Variants in ALK observed in about 807,000 individuals in gnomAD.
ALK encodes the protein ALK receptor tyrosine kinase.
In ALK, 74 loss-of-function variants were observed where a neutral mutation model predicts 163.1. That is an observed-to-expected ratio of 0.45 (90% CI 0.38 to 0.55). The LOEUF is 0.55. Ranked by LOEUF, ALK falls within the 20% of genes least tolerant of loss-of-function variation. The probability of loss-of-function intolerance (pLI) is 0.00; values close to 1 mark genes in which losing one functional copy is unlikely to be tolerated. For missense variants in ALK, 2,063 were observed against 2,105.3 expected (o/e 0.98, Z 0.39); for synonymous variants, 960 against 843.2 (o/e 1.14, Z -2.40).
chr2:29,539,136 TG>T (rs1673343328), intron 3 of ALK, among the ~76,000 whole-genome samples: 1 of 152,208 alleles, frequency 6.6e-6, no homozygotes, highest in Non-Finnish European at 1.5e-5. Context: ...GTTTATAGGT[TG>T]ATGCTAAGTG....
intron 1 of ALK, among the ~76,000 whole-genome samples, chr2:29,908,512 T>C (rs1318064410): frequency 6.6e-6 from 1 of 152,238 alleles, no homozygotes; most frequent in Non-Finnish European, 1.5e-5. Flanking sequence ...GGAAGTGTTT[T>C]TATTTTTTAC....
intron 1 of ALK, among the ~76,000 whole-genome samples, chr2:29,729,548 C>T (rs1679676211): frequency 6.6e-6 from 1 of 152,148 alleles, no homozygotes; most frequent in Non-Finnish European, 1.5e-5. Flanking sequence ...ATGAAAGTCA[C>T]GCTGCCACCA....
intron 1 of ALK, among the ~76,000 whole-genome samples, chr2:29,904,355 A>T (rs1667484990): frequency 6.6e-6 from 1 of 152,212 alleles, no homozygotes; most frequent in African/African-American, 2.4e-5. Context: ...CAGCTGCTCC[A>T]GTGCTCAATA....
intron 3 of ALK, among the ~76,000 whole-genome samples, chr2:29,537,561 T>A (rs6547940): frequency 2.0e-5 from 3 of 152,282 alleles, no homozygotes; most frequent in African/African-American, 7.2e-5. Context: ...GGCAGAGCCC[T>A]GGCAAAGAAA....
intron 8 of ALK, among the ~76,000 whole-genome samples, chr2:29,304,493 T>TAAAAAAAAA (rs70958256): frequency 8.0e-6 from 1 of 125,436 alleles, no homozygotes; most frequent in Non-Finnish European, 1.6e-5. Flanking sequence ...AGACTGTGTC[T>TAAAAAAAAA]AAAAAAAAAA....
chr2:29,794,613 T>C (rs1664261805), intron 1 of ALK, among the ~76,000 whole-genome samples: 1 of 152,014 alleles, frequency 6.6e-6, no homozygotes, highest in Admixed American at 6.6e-5. Flanking sequence ...GACTGTAGGG[T>C]TATTAACTGG....
intron 1 of ALK, among the ~76,000 whole-genome samples, chr2:29,853,169 A>G (rs1004829756): frequency 4.0e-5 from 6 of 151,568 alleles, no homozygotes; most frequent in Admixed American, 6.6e-5. Flanking sequence ...TTTAGGCTTT[A>G]AACATCATCA....
intron 4 of ALK, among the ~76,000 whole-genome samples, chr2:29,520,715 T>G (rs4468777): frequency 0.56 from 84,537 of 151,886 alleles, 24,220 homozygotes; most frequent in African/African-American, 0.62. Flanking sequence ...TTGCTTCACT[T>G]GGGGGCAACT....
Position 29,528,459 on chromosome 2 carries a change from C to T in ALK, c.1154+3456G>A, listed in dbSNP as rs548223767. Among the ~76,000 whole-genome samples, 13 of 152,286 alleles carry T rather than the reference C, an allele frequency of 8.5e-5. No homozygotes were observed. The South Asian group carries it at 1.7e-3, about 19-fold the overall frequency. ...CTGCTTCTGCTGGATCTGCCACTAG[C>T]GATCTTAGCTCAGCCTCTTAATAAT... On this transcript the variant is annotated intron_variant, in intron 4 of 28. Coordinates refer to ENST00000389048, the MANE Select transcript of ALK (RefSeq NM_004304.5).
chr2:29,859,866 T>C (rs1382480509), intron 1 of ALK, among the ~76,000 whole-genome samples: 1 of 152,202 alleles, frequency 6.6e-6, no homozygotes, highest in South Asian at 2.1e-4. Context: ...AAATTTGACA[T>C]ATTGATTGAC....
Position 29,383,868 on chromosome 2 carries a change from A to G in ALK, c.1155-9T>C, listed in dbSNP as rs1668967647. 6.2e-7 allele frequency: 1 copy of G among 1,613,764 alleles called. No individual in the cohort carries two copies. Among genetic ancestry groups the G allele is most frequent in the South Asian group, 1.1e-5 (1 of 91,076 alleles). ...CCTGGAGCACTGTCCAACTGGTTGC[A>G]TTGGAAAACAGAGGAGAAAAGCATA... On this transcript the variant is annotated splice_polypyrimidine_tract_variant and intron_variant, in intron 4 of 28. Transcript: ENST00000389048.
chr2:29,916,177 T>C lies in ALK; in HGVS notation c.667+3816A>G, dbSNP rs145573457. Among the ~76,000 whole-genome samples, 69 of 152,312 alleles carry C rather than the reference T, an allele frequency of 4.5e-4. 1 individual carries two copies. The highest frequency in any genetic ancestry group is 1.4e-3 in the African/African-American group (58 of 41,578). ...ACATCTCACCTGACTCCCCACTCCA[T>C]TGGAATTCCATTCCATAGTCAGAGG... On this transcript the variant is annotated intron_variant, in intron 1 of 28. Coordinates refer to ENST00000389048, the MANE Select transcript of ALK (RefSeq NM_004304.5).
chr2:29,317,519 G>C lies in ALK; in HGVS notation c.1647+785C>G, dbSNP rs375811233. 1.3e-5 allele frequency among the ~76,000 whole-genome samples: 2 copies of C among 152,200 alleles called. 1 individual carries two copies. The highest frequency in any genetic ancestry group is 3.9e-4 in the East Asian group (2 of 5,192). ...CACCCTGTGGGCTAAATACTGCAGT[G>C]CTTACTTTGTGCCCAATGCTCTTCC... is the stretch of plus-strand genomic sequence containing the variant. On this transcript the variant is annotated intron_variant, in intron 8 of 28. Transcript: ENST00000389048.
chr2:29,333,716 G>C (rs893588020), intron 5 of ALK, among the ~76,000 whole-genome samples: 2 of 152,074 alleles, frequency 1.3e-5, no homozygotes, highest in African/African-American at 2.4e-5. Flanking sequence ...TCCCGACCTC[G>C]GGTGATTCTT....
intron 1 of ALK, among the ~76,000 whole-genome samples, chr2:29,776,904 T>A (rs552801515): frequency 1.3e-5 from 2 of 152,358 alleles, no homozygotes; most frequent in African/African-American, 4.8e-5. Context: ...TCCTTCAGGA[T>A]ACCACCTTGC....
chr2:29,743,552 G>A (rs1680120279), intron 1 of ALK, among the ~76,000 whole-genome samples: 1 of 152,208 alleles, frequency 6.6e-6, no homozygotes. Context: ...TCATTAGTGA[G>A]CCCCTGAGGA....
intron 19 of ALK, among the ~76,000 whole-genome samples, chr2:29,224,305 G>C (rs375982572): frequency 6.6e-6 from 1 of 152,306 alleles, no homozygotes; most frequent in Admixed American, 6.5e-5. Context: ...TGAGCCATGA[G>C]GACCAGGTCA....
At chr2:29,573,677 G>A (rs578043598) in intron 3 of ALK, among the ~76,000 whole-genome samples, 2 of 152,276 alleles carry the variant, frequency 1.3e-5, no homozygotes, top group South Asian at 4.2e-4. Context: ...AACAGAGAGC[G>A]TGCGGGCCAC....
chr2:29,488,302 T>A (rs1671825491), intron 4 of ALK, among the ~76,000 whole-genome samples: 1 of 152,240 alleles, frequency 6.6e-6, no homozygotes, highest in Admixed American at 6.5e-5. Flanking sequence ...GCTTACTTCT[T>A]ATTACATAAG....
Sources: allele counts gnomAD v4.1 joint callset (sites outside exome capture counted in the v4.1 genomes callset), GRCh38; gene constraint gnomAD v4.1.1; transcripts MANE v1.5; gene names NCBI Gene and HGNC (gene_info 2026-07-23, HGNC 2026-07-21).